TACR1: variants seen among roughly 807,000 people sequenced by gnomAD.
The protein encoded by TACR1 is substance-P receptor.
A neutral mutation model predicts 35.8 loss-of-function variants in TACR1; 25 were observed. The ratio of observed to expected loss-of-function variants is 0.70; its 90% CI spans 0.51 to 0.98. The LOEUF (loss-of-function observed/expected upper bound fraction) is 0.98. Among genes scored for constraint, TACR1 ranks in the 50% least tolerant of loss-of-function variants. TACR1 has a pLI of 0.00. For missense variants in TACR1, 478 were observed against 522.9 expected, an observed-to-expected ratio of 0.91 and a Z score of 0.84; for synonymous variants, 195 against 206.7, an observed-to-expected ratio of 0.94 and a Z score of 0.48.
At chr2:75,058,361 C>T (rs1461533914) in intron 2 of TACR1, among the ~76,000 whole-genome samples, 1 of 152,148 alleles carries the variant, frequency 6.6e-6, no homozygotes, top group Non-Finnish European at 1.5e-5. Context: ...AATGAGCCAG[C>T]ACAATCTTAT....
intron 2 of TACR1, among the ~76,000 whole-genome samples, chr2:75,070,233 ATG>A (rs758460934): frequency 5.3e-4 from 48 of 89,816 alleles, no homozygotes; most frequent in Admixed American, 8.7e-4. Context: ...GTGTGTGTGT[ATG>A]TGTGTGTGTG....
intron 2 of TACR1, among the ~76,000 whole-genome samples, chr2:75,061,212 G>C (rs1369661893): frequency 6.6e-6 from 1 of 150,988 alleles, no homozygotes; most frequent in African/African-American, 2.4e-5. Context: ...AGAGGGAGGG[G>C]CAGGAGGGAG....
intron 1 of TACR1, among the ~76,000 whole-genome samples, chr2:75,129,425 A>C (rs1385517983): frequency 1.3e-5 from 2 of 152,242 alleles, no homozygotes; most frequent in Non-Finnish European, 2.9e-5. Context: ...TGTGAACAAC[A>C]TCAAAGATGC....
chr2:75,086,600 T>A (rs1356210708), intron 2 of TACR1, among the ~76,000 whole-genome samples: 2 of 152,130 alleles, frequency 1.3e-5, no homozygotes, highest in African/African-American at 4.8e-5. Context: ...AAATGGGGGA[T>A]TATGATGCTA....
At chr2:75,116,636 C>T (rs1008247689) in intron 2 of TACR1, among the ~76,000 whole-genome samples, 8 of 152,160 alleles carry the variant, frequency 5.3e-5, no homozygotes, top group South Asian at 4.2e-4. Context: ...GGGCTGGGCA[C>T]GGTGGCTTAT....
At chr2:75,172,364 C>G (rs905769586) in intron 1 of TACR1, among the ~76,000 whole-genome samples, 1 of 152,164 alleles carries the variant, frequency 6.6e-6, no homozygotes, top group Non-Finnish European at 1.5e-5. Context: ...GGAAATTACT[C>G]TTTTTGCAAA....
chr2:75,070,060 T>C (rs900827827), intron 2 of TACR1, among the ~76,000 whole-genome samples: 6 of 152,208 alleles, frequency 3.9e-5, no homozygotes, highest in Non-Finnish European at 8.8e-5. Context: ...CTATCTCATT[T>C]ATTATTTATT....
chr2:75,054,965 C>G (rs183700110), intron 2 of TACR1, among the ~76,000 whole-genome samples: 1 of 152,048 alleles, frequency 6.6e-6, no homozygotes, highest in South Asian at 2.1e-4. Context: ...ATTTTGTAGA[C>G]GAGGAAACCA....
chr2:75,141,507 C>T (rs1447618599), intron 1 of TACR1, among the ~76,000 whole-genome samples: 1 of 150,414 alleles, frequency 6.6e-6, no homozygotes, highest in African/African-American at 2.5e-5. Flanking sequence ...TTGGCTTAAC[C>T]ACATCCAGGC....
intron 1 of TACR1, among the ~76,000 whole-genome samples, chr2:75,147,475 C>T (rs995373120): frequency 6.6e-6 from 1 of 152,156 alleles, no homozygotes; most frequent in Admixed American, 6.5e-5. Context: ...TTCATATATG[C>T]GTGCCATGGT....
At chr2:75,056,397 C>T (rs933867032) in intron 2 of TACR1, among the ~76,000 whole-genome samples, 3 of 152,218 alleles carry the variant, frequency 2.0e-5, no homozygotes, top group South Asian at 2.1e-4. Flanking sequence ...AATCACCCAA[C>T]GGCAGGCATC....
intron 2 of TACR1, among the ~76,000 whole-genome samples, chr2:75,094,904 A>G (rs1234220647): frequency 6.8e-6 from 1 of 146,346 alleles, no homozygotes; most frequent in Non-Finnish European, 1.5e-5. Context: ...CAGCTAGAAT[A>G]TGACTGGAAT....
chr2:75,183,333 CTT>C (rs1675604439), intron 1 of TACR1, among the ~76,000 whole-genome samples: 1 of 152,086 alleles, frequency 6.6e-6, no homozygotes. Context: ...AAAAATGAAA[CTT>C]AGTGTTTTAA....
chr2:75,069,059 G>A (rs533796828), intron 2 of TACR1, among the ~76,000 whole-genome samples: 10 of 152,198 alleles, frequency 6.6e-5, no homozygotes, highest in East Asian at 1.9e-4. Context: ...TGCTGTTCTC[G>A]TGAAAGTGAA....
At chr2:75,146,560 C>T (rs1674518980) in intron 1 of TACR1, among the ~76,000 whole-genome samples, 1 of 152,164 alleles carries the variant, frequency 6.6e-6, no homozygotes. Flanking sequence ...TTACTGGTCA[C>T]AATGGCAAGA....
At chr2:75,100,274 T>A (rs992374218) in intron 2 of TACR1, among the ~76,000 whole-genome samples, 1 of 152,246 alleles carries the variant, frequency 6.6e-6, no homozygotes, top group Non-Finnish European at 1.5e-5. Context: ...TGAAATGAGA[T>A]GATGCATGCA....
rs201666251 is a variant in TACR1, at chr2:75,198,965, T to G, written c.-31A>C. ...AGCTAGGCGGTAAAGCCCTACTATC[T>G]GTACACAACCCCCCTCTGCAGCAGA... On this transcript the variant is annotated 5_prime_UTR_variant, in exon 1 of 5. Coordinates refer to ENST00000305249, the MANE Select transcript of TACR1 (RefSeq NM_001058.4). The G allele has an allele frequency of 3.1e-6, 5 of 1,602,336 alleles. No individual in the cohort carries two copies. Among genetic ancestry groups the G allele is most frequent in the Non-Finnish European group, 4.3e-6 (5 of 1,174,034 alleles).
At chr2:75,089,833 A>T (rs1285097413) in intron 2 of TACR1, among the ~76,000 whole-genome samples, 1 of 152,142 alleles carries the variant, frequency 6.6e-6, no homozygotes, top group African/African-American at 2.4e-5. Flanking sequence ...CTACCACCCC[A>T]TGTCCTCTCA....
At chr2:75,117,133 TTGTGTGTGTGTGTG>T (rs3079167) in intron 2 of TACR1, among the ~76,000 whole-genome samples, 15 of 148,758 alleles carry the variant, frequency 1.0e-4, no homozygotes, top group East Asian at 4.0e-4. Flanking sequence ...ACTTTGTGGA[TTGTGTGTGTGTGTG>T]TGTGTGTGTG....
Sources: allele counts gnomAD v4.1 joint callset (sites outside exome capture counted in the v4.1 genomes callset), GRCh38; gene constraint gnomAD v4.1.1; transcripts MANE v1.5; gene names NCBI Gene and HGNC (gene_info 2026-07-23, HGNC 2026-07-21).